The following AOAH variants were observed in gnomAD, a reference collection of about 807,000 sequenced individuals.
AOAH encodes acyloxyacyl hydrolase.
A neutral mutation model predicts 92.2 loss-of-function variants in AOAH; 64 were observed. That is an observed-to-expected ratio of 0.69 (90% confidence interval 0.57 to 0.86). AOAH has a LOEUF of 0.86. AOAH is among the 40% of genes least tolerant of loss of function. AOAH has a pLI of 0.00. For synonymous variants in AOAH, 263 were observed against 254.5 expected, an observed-to-expected ratio of 1.03 and a Z score of -0.32; for missense variants, 656 against 694.6, an observed-to-expected ratio of 0.94 and a Z score of 0.62.
intron 2 of AOAH, among the ~76,000 whole-genome samples, chr7:36,680,366 C>T (rs540080758): frequency 5.0e-4 from 76 of 152,312 alleles, no homozygotes; most frequent in African/African-American, 1.2e-3. Flanking sequence ...GGTGCTTACG[C>T]GATTTCCCTG....
At chr7:36,689,465 C>T (rs1797251975) in intron 1 of AOAH, among the ~76,000 whole-genome samples, 1 of 152,180 alleles carries the variant, frequency 6.6e-6, no homozygotes, top group South Asian at 2.1e-4. Flanking sequence ...ATAGATGGCA[C>T]CTTCTGCTGC....
At chr7:36,550,873 G>A (rs914479238) in intron 13 of AOAH, among the ~76,000 whole-genome samples, 12 of 152,164 alleles carry the variant, frequency 7.9e-5, no homozygotes, top group Admixed American at 6.5e-5. Context: ...AAAGGGCAGC[G>A]TGTAGCCATG....
In AOAH at chr7:36,549,509, TAGTG is replaced by T. The variant is rs1786037402; in HGVS notation, c.1022-38_1022-35del. The stretch of plus-strand genomic sequence containing the variant: ...TTAAAATTAAGAAAACAATTAAAGT[TAGTG>T]AGTTCAATTTCACACTATCAATATG... On this transcript the variant is annotated intron_variant, in intron 13 of 20. Coordinates refer to ENST00000617537, the MANE Select transcript of AOAH (RefSeq NM_001637.4). The T allele has an allele frequency of 5.5e-6, 8 of 1,459,442 alleles. No homozygotes were observed. In the African/African-American group the frequency reaches 5.6e-5, roughly 10 times the overall value. The allele number at this position is 1,459,442 out of a possible 1,614,324, so 90.4% of individuals were successfully genotyped here.
chr7:36,651,509 C>T (rs981220456), intron 4 of AOAH, among the ~76,000 whole-genome samples: 2 of 152,136 alleles, frequency 1.3e-5, no homozygotes, highest in African/African-American at 2.4e-5. Context: ...ACTAAGTAAG[C>T]GAACATGTCA....
intron 2 of AOAH, 126 bp from the exon 3 acceptor site, chr7:36,674,135 G>A: frequency 3.2e-6 from 2 of 621,844 alleles, no homozygotes; most frequent in Non-Finnish European, 5.5e-6. Flanking sequence ...TAATTTTAAG[G>A]ATTTGAAGGA....
intron 13 of AOAH, among the ~76,000 whole-genome samples, chr7:36,569,471 ATCTATCTATCT>A (rs1237637987): frequency 1.1e-4 from 1 of 8,846 alleles, no homozygotes; most frequent in African/African-American, 4.3e-4. Context: ...ACTTAAAAAA[ATCTATCTATCT>A]ATCTATCTAT....
At chr7:36,585,693 T>G (rs1789272941) in intron 12 of AOAH, among the ~76,000 whole-genome samples, 1 of 152,178 alleles carries the variant, frequency 6.6e-6, no homozygotes, top group South Asian at 2.1e-4. Flanking sequence ...TGATTTACAG[T>G]AGGTTAAACA....
rs1562852769 is a variant in AOAH, at chr7:36,516,414, C to A, written c.1600-3034G>T. On this transcript the variant is annotated intron_variant, in intron 20 of 20. Transcript: ENST00000617537. This position sits in a 1 kb window ranked among gnomAD's most constrained non-coding sequence, Gnocchi z 5.0. The stretch of plus-strand genomic sequence containing the variant: ...AGAAAGCACACAGATACCACACACA[C>A]CCCCACAGAAAGCACGCAGATACCC... Among the ~76,000 whole-genome samples, 2 of 127,590 alleles carry A rather than the reference C, an allele frequency of 1.6e-5. No homozygotes were observed. The highest frequency in any genetic ancestry group is 3.4e-5 in the Non-Finnish European group (2 of 58,742). 83.7% of individuals were successfully genotyped at this position (127,590 alleles called of 152,430 possible).
intron 13 of AOAH, among the ~76,000 whole-genome samples, chr7:36,566,966 G>A (rs1787757592): frequency 6.6e-6 from 1 of 152,142 alleles, no homozygotes; most frequent in South Asian, 2.1e-4. Flanking sequence ...GCACCACCAA[G>A]CCTGTCTAAT....
At position 36,623,216 on chromosome 7, in the gene AOAH, C is replaced by T. The variant is rs749660774; in HGVS notation, c.556G>A (p.Asp186Asn). Residue 186 changes from aspartate to asparagine, a missense_variant, in exon 7 of 21, where the codon GAT becomes AAT. Transcript: ENST00000617537. Reference sequence around the variant, plus strand: ...GGGAAAACGCTGTATTTGTCTGAATCCACATCTTTGAATGGCACAGACTGT... The same window carrying T: ...GGGAAAACGCTGTATTTGTCTGAATTCACATCTTTGAATGGCACAGACTGT... ...MEQSVPFKDV[D>N]SDKYSVFPTL... 1.9e-6 allele frequency: 3 copies of T among 1,614,020 alleles called. No homozygotes were observed. Among genetic ancestry groups the T allele is most frequent in the Non-Finnish European group, 2.5e-6 (3 of 1,179,964 alleles).
At chr7:36,587,333 G>C (rs1789416700) in intron 12 of AOAH, among the ~76,000 whole-genome samples, 1 of 150,774 alleles carries the variant, frequency 6.6e-6, no homozygotes, top group Non-Finnish European at 1.5e-5. Flanking sequence ...TACACATGTA[G>C]TTGGAAAAGG....
chr7:36,537,610 C>T (rs1785159526), intron 16 of AOAH, among the ~76,000 whole-genome samples: 2 of 151,668 alleles, frequency 1.3e-5, no homozygotes, highest in South Asian at 4.2e-4. Flanking sequence ...CCTCCGCCTC[C>T]CGGGTTCAAG....
intron 4 of AOAH, among the ~76,000 whole-genome samples, chr7:36,653,165 AGT>A (rs763162606): frequency 2.0e-5 from 3 of 152,200 alleles, no homozygotes; most frequent in African/African-American, 4.8e-5. Context: ...CACATGTGAC[AGT>A]GTGCTGTGAG....
chr7:36,682,785 GA>G (rs1363157509), intron 2 of AOAH, among the ~76,000 whole-genome samples: 1 of 151,764 alleles, frequency 6.6e-6, no homozygotes, highest in Non-Finnish European at 1.5e-5. Flanking sequence ...AGGTAGAGAG[GA>G]GGAAAAATTT....
chr7:36,515,349 C>T (rs1187789140), intron 20 of AOAH, among the ~76,000 whole-genome samples: 1 of 105,760 alleles, frequency 9.5e-6, no homozygotes, highest in Non-Finnish European at 1.9e-5. Flanking sequence ...CACATAATCA[C>T]ACACCCCCAC....
chr7:36,619,877 T>A (rs1792156910), intron 9 of AOAH, among the ~76,000 whole-genome samples: 1 of 152,188 alleles, frequency 6.6e-6, no homozygotes, highest in South Asian at 2.1e-4. Flanking sequence ...TGCCGTTAAT[T>A]ACAAAAACTG....
intron 2 of AOAH, among the ~76,000 whole-genome samples, chr7:36,677,524 C>T (rs1796331449): frequency 6.6e-6 from 1 of 152,118 alleles, no homozygotes; most frequent in South Asian, 2.1e-4. Flanking sequence ...ACCAGCCTAC[C>T]AGCTCCTCAG....
At chr7:36,532,753 A>G (rs1036349317) in intron 16 of AOAH, among the ~76,000 whole-genome samples, 35 of 152,214 alleles carry the variant, frequency 2.3e-4, no homozygotes, top group Admixed American at 2.3e-3. Flanking sequence ...CACAGGGAAC[A>G]TTCGAGGTGG....
intron 3 of AOAH, among the ~76,000 whole-genome samples, chr7:36,660,218 C>T (rs571239358): frequency 2.6e-5 from 4 of 152,366 alleles, no homozygotes; most frequent in African/African-American, 9.6e-5. Flanking sequence ...TTATTGCTCA[C>T]GCAAAGCCTG....
Sources: allele counts gnomAD v4.1 joint callset (sites outside exome capture counted in the v4.1 genomes callset), GRCh38; gene constraint gnomAD v4.1.1; non-coding constraint Gnocchi (gnomAD v3.1); transcripts MANE v1.5; gene names NCBI Gene and HGNC (gene_info 2026-07-23, HGNC 2026-07-21).